CSMD3: variants seen among roughly 807,000 people sequenced by gnomAD.
The protein encoded by CSMD3 is CUB and sushi domain-containing protein 3.
In CSMD3, 177 loss-of-function variants were observed where a neutral mutation model predicts 435.2. The observed-to-expected ratio is 0.41, with a 90% CI of 0.36 to 0.46. The LOEUF (loss-of-function observed/expected upper bound fraction) is 0.46, where lower values mean the gene tolerates loss of function less well. Ranked by LOEUF, CSMD3 falls within the 20% of genes least tolerant of loss-of-function variation. The pLI is 0.34. For synonymous variants in CSMD3, 1,656 were observed against 1,520.5 expected (o/e 1.09, Z -2.07); for missense variants, 4,265 against 4,504.6 (o/e 0.95, Z 1.52).
intron 3 of CSMD3, among the ~76,000 whole-genome samples, chr8:113,212,541 T>C (rs370716346): frequency 6.6e-5 from 10 of 152,242 alleles, no homozygotes; most frequent in African/African-American, 2.4e-4. Flanking sequence ...ATATACACCA[T>C]AGAATACTAT....
intron 2 of CSMD3, among the ~76,000 whole-genome samples, chr8:113,301,962 C>A (rs2093772162): frequency 6.6e-6 from 1 of 151,438 alleles, no homozygotes; most frequent in Non-Finnish European, 1.5e-5. Flanking sequence ...TACCCTTTAA[C>A]CTTTGTGACA....
At chr8:112,261,832 A>AT (rs1019551502) in intron 61 of CSMD3, among the ~76,000 whole-genome samples, 60 of 151,738 alleles carry the variant, frequency 4.0e-4, no homozygotes, top group Non-Finnish European at 7.1e-4. Context: ...ATTGTGTAAT[A>AT]TTTTTTTCAA....
intron 6 of CSMD3, among the ~76,000 whole-genome samples, chr8:112,998,550 A>C (rs545012064): frequency 4.6e-5 from 7 of 151,846 alleles, no homozygotes; most frequent in Non-Finnish European, 7.4e-5. Context: ...TTATTGAAAA[A>C]CACTCTCTCC....
intron 9 of CSMD3, among the ~76,000 whole-genome samples, chr8:112,945,701 T>C (rs533163944): frequency 5.0e-4 from 76 of 151,730 alleles, no homozygotes; most frequent in African/African-American, 1.7e-3. Flanking sequence ...CTTCAGTCCA[T>C]ATTAGGCTGA....
chr8:112,405,229 A>AC, intron 35 of CSMD3, among the ~76,000 whole-genome samples: 2 of 112,896 alleles, frequency 1.8e-5, no homozygotes, highest in African/African-American at 4.3e-5. Flanking sequence ...ATATATATAT[A>AC]TATATATATA....
intron 10 of CSMD3, among the ~76,000 whole-genome samples, chr8:112,877,678 T>C (rs558631738): frequency 2.4e-4 from 36 of 152,064 alleles, no homozygotes; most frequent in Non-Finnish European, 5.0e-4. Flanking sequence ...AACTACAAGG[T>C]GACAGTAACC....
chr8:112,778,404 A>G (rs544600748), intron 13 of CSMD3, among the ~76,000 whole-genome samples: 1 of 152,060 alleles, frequency 6.6e-6, no homozygotes, highest in East Asian at 1.9e-4. Context: ...GAAACCACTG[A>G]TAATTTTATT....
At chr8:112,557,979 G>T (rs1409440793) in intron 24 of CSMD3, among the ~76,000 whole-genome samples, 2 of 151,858 alleles carry the variant, frequency 1.3e-5, no homozygotes, top group African/African-American at 4.8e-5. Flanking sequence ...AAACTGTGGG[G>T]TCTATATTAA....
At chr8:112,844,893 A>G (rs1310885791) in intron 11 of CSMD3, among the ~76,000 whole-genome samples, 4 of 151,946 alleles carry the variant, frequency 2.6e-5, no homozygotes, top group Non-Finnish European at 5.9e-5. Flanking sequence ...ATTAATTGCC[A>G]TAATTTATTT....
At chr8:113,200,723 T>C (rs2092708223) in intron 3 of CSMD3, among the ~76,000 whole-genome samples, 1 of 151,288 alleles carries the variant, frequency 6.6e-6, no homozygotes, top group African/African-American at 2.4e-5. Context: ...CTACACTTGC[T>C]CCCTTCTTCC....
At chr8:112,528,226 A>C (rs147443357) in intron 27 of CSMD3, among the ~76,000 whole-genome samples, 94 of 152,296 alleles carry the variant, frequency 6.2e-4, no homozygotes, top group African/African-American at 2.1e-3. Context: ...CTAAAAATTT[A>C]AAAATCATGT....
intron 49 of CSMD3, among the ~76,000 whole-genome samples, chr8:112,311,914 A>C (rs73700617): frequency 0.04 from 6,055 of 152,164 alleles, 398 homozygotes; most frequent in African/African-American, 0.14. Context: ...CTTAGGATAT[A>C]TATGTCATAA....
rs2130158017 is a variant in CSMD3, at chr8:113,436,824, C to T, written c.31G>A (p.Ala11Thr). ...GGCTCCCAGGGTTTGGATTCCTTTG[C>T]TCGGCTTTCCCCTTTGCGGATCCCT... is the stretch of plus-strand genomic sequence containing the variant. MKGIRKGESR[A>T]KESKPWEPGK... Residue 11 changes from alanine (A) to threonine (T), a missense_variant, in exon 1 of 71, where the codon GCA becomes ACA. By Grantham distance (58) the Ala-to-Thr change is moderately conservative. Coordinates refer to ENST00000297405, the MANE Select transcript of CSMD3 (RefSeq NM_198123.2). 1.9e-6 allele frequency: 3 copies of T among 1,614,190 alleles called. No individual in the cohort carries two copies. The highest frequency in any genetic ancestry group is 2.5e-6 in the Non-Finnish European group (3 of 1,180,050).
chr8:112,346,295 G>T (rs1461693103), intron 40 of CSMD3, 82 bp from the exon 41 acceptor site: 1 of 888,382 alleles, frequency 1.1e-6, no homozygotes, highest in Non-Finnish European at 1.9e-6. Context: ...ATCATTTCAC[G>T]TTTTCAAGGC....
chr8:112,580,194 T>A (rs972794076), intron 23 of CSMD3, among the ~76,000 whole-genome samples: 4 of 151,966 alleles, frequency 2.6e-5, no homozygotes, highest in Non-Finnish European at 4.4e-5. Context: ...AGCCTACATA[T>A]AATAAACCCC....
chr8:112,846,899 G>A (rs945187421), intron 11 of CSMD3, among the ~76,000 whole-genome samples: 1 of 152,000 alleles, frequency 6.6e-6, no homozygotes, highest in East Asian at 1.9e-4. Context: ...TTAAGAGGAG[G>A]GGAAATAAAA....
chr8:112,772,269 C>A (rs1463465959), intron 13 of CSMD3, among the ~76,000 whole-genome samples: 6 of 152,000 alleles, frequency 3.9e-5, no homozygotes, highest in African/African-American at 1.4e-4. Context: ...AAGAAAAATT[C>A]TTCTGCCTTG....
At chr8:112,264,697 T>C (rs1481219215) in intron 60 of CSMD3, among the ~76,000 whole-genome samples, 1 of 152,156 alleles carries the variant, frequency 6.6e-6, no homozygotes, top group African/African-American at 2.4e-5. Flanking sequence ...ATTAATTTTG[T>C]TAGATTATAA....
At chr8:112,869,151 A>C (rs189594332) in intron 10 of CSMD3, among the ~76,000 whole-genome samples, 210 of 152,330 alleles carry the variant, frequency 1.4e-3, no homozygotes, top group Non-Finnish European at 1.9e-3. Flanking sequence ...ATGACAGAGC[A>C]GTGACAGTGT....
Sources: allele counts gnomAD v4.1 joint callset (sites outside exome capture counted in the v4.1 genomes callset), GRCh38; gene constraint gnomAD v4.1.1; transcripts MANE v1.5; gene names NCBI Gene and HGNC (gene_info 2026-07-23, HGNC 2026-07-21).